The following GOLGA6D variants were observed in gnomAD, a reference collection of about 807,000 sequenced individuals.
The protein encoded by GOLGA6D is golgin subfamily A member 6D.
Under a neutral mutation model 42.1 loss-of-function variants are expected in GOLGA6D, and 9 were observed. The ratio of observed to expected loss-of-function variants is 0.21; its 90% CI spans 0.13 to 0.37. The LOEUF is 0.37. Ranked by LOEUF, GOLGA6D falls within the 10% of genes least tolerant of loss-of-function variation. The pLI is 1.00. For synonymous variants in GOLGA6D, 39 were observed against 167.3 expected (o/e 0.23, Z 5.92); for missense variants, 87 against 420.8 (o/e 0.21, Z 6.94).
Position 75,294,348 on chromosome 15 carries a change from T to A in GOLGA6D, c.1955T>A (p.Val652Asp), listed in dbSNP as rs201430576. The part of the protein sequence containing the change: ...QELGAAGEQD[V>D]FYEVSLDNNV... ...GACCCCCGCCTCCCTCTCTCCGAAGTTTTTTATGAAGTGAGCCTGGACAAC... is the reference window on the plus strand; with the variant it reads ...GACCCCCGCCTCCCTCTCTCCGAAGATTTTTATGAAGTGAGCCTGGACAAC... The change falls in exon 18 of 18, where the codon GTT becomes GAT. Residue 652 changes from valine to aspartate, a missense_variant and splice_region_variant. Val to Asp is a radical substitution (Grantham distance 152). Transcript: ENST00000434739. 13,418 of 1,578,258 alleles carry A rather than the reference T, an allele frequency of 8.5e-3. 1,222 individuals carry two copies. Among genetic ancestry groups the A allele is most frequent in the African/African-American group, 0.081 (4,892 of 60,748 alleles).
At position 75,293,545 on chromosome 15, in the gene GOLGA6D, C is replaced by G. The variant is rs1470835508; in HGVS notation, c.1594-184C>G. On this transcript the variant is annotated intron_variant, in intron 14 of 17. Coordinates refer to ENST00000434739, the MANE Select transcript of GOLGA6D (RefSeq NM_001145224.3). The stretch of plus-strand genomic sequence containing the variant: ...TCTGGTGGCCTTGGCCTGGAAGGAG[C>G]CAGAGGCAGAGGCCCCAGCCCCAGG... 9.9e-3 allele frequency among the ~76,000 whole-genome samples: 1,419 copies of G among 143,312 alleles called. 9 individuals carry two copies. Among genetic ancestry groups the G allele is most frequent in the East Asian group, 0.02 (96 of 4,688 alleles). 94.0% of individuals were successfully genotyped at this position (143,312 alleles called of 152,430 possible). A position where few individuals can be genotyped will look rare whatever the true frequency, so the allele number is the denominator to read the frequency against.
At chr15:75,278,875 G>A (rs1426322385), upstream of GOLGA6D, among the ~76,000 whole-genome samples, 43 of 150,916 alleles carry the variant, frequency 2.8e-4, no homozygotes, top group Admixed American at 5.3e-4. Context: ...CTGATGTGTA[G>A]TAGCACAAAA....
At chr15:75,288,965 G>C (rs1486793190) in intron 7 of GOLGA6D, among the ~76,000 whole-genome samples, 1 of 127,652 alleles carries the variant, frequency 7.8e-6, no homozygotes, top group Non-Finnish European at 1.6e-5. Flanking sequence ...GAATAGGATA[G>C]ACCTGGGTGT....
upstream of GOLGA6D, among the ~76,000 whole-genome samples, chr15:75,278,074 G>T (rs375439722): frequency 2.4e-4 from 28 of 118,534 alleles, no homozygotes; most frequent in Middle Eastern, 3.7e-3. Flanking sequence ...AAGGAAAACT[G>T]CAGCTCACAT....
In GOLGA6D at chr15:75,293,437, G is replaced by A. The variant is rs541691510; in HGVS notation, c.1593+273G>A. Among the ~76,000 whole-genome samples the A allele has an allele frequency of 1.5e-4, 22 of 146,560 alleles. No homozygotes were observed. In the East Asian group the frequency reaches 2.3e-3, roughly 15 times the overall value. On this transcript the variant is annotated intron_variant, in intron 14 of 17. Coordinates refer to ENST00000434739, the MANE Select transcript of GOLGA6D (RefSeq NM_001145224.3). ...CCTTCAAGTGGCATTTTTCAACTCC[G>A]CTGGAGCCAGTTCCCAGGAGGAGCA...
the GOLGA6D span, among the ~76,000 whole-genome samples, chr15:75,277,426 TC>T: frequency 1.4e-5 from 1 of 73,624 alleles, no homozygotes; most frequent in South Asian, 5.1e-4. Flanking sequence ...ATGTTGTACA[TC>T]CAGACAGCAG....
chr15:75,293,030 CTTGTTGGG>C, intron 13 of GOLGA6D, 35 bp from the exon 14 acceptor site: 1 of 1,402,452 alleles, frequency 7.1e-7, no homozygotes, highest in East Asian at 2.5e-5. Context: ...CAGTACCTTC[CTTGTTGGG>C]TTGTCTGAGG....
chr15:75,277,871 G>A (rs1428082072), upstream of GOLGA6D, among the ~76,000 whole-genome samples: 1 of 150,326 alleles, frequency 6.7e-6, no homozygotes, highest in Non-Finnish European at 1.5e-5. Context: ...AAAAGAAAAA[G>A]GTCGAGACAG....
rs751895700 is a variant in GOLGA6D, at chr15:75,294,330, G to A, written c.1955-18G>A. The A allele has an allele frequency of 7.3e-5, 115 of 1,586,006 alleles. 6 individuals carry two copies. The African/African-American group carries it at 1.2e-3, about 16-fold the overall frequency. ...AGGCTCGCACTGTGCTCAGACCCCC[G>A]CCTCCCTCTCTCCGAAGTTTTTTAT... On this transcript the variant is annotated intron_variant, in intron 17 of 17. Coordinates refer to ENST00000434739, the MANE Select transcript of GOLGA6D (RefSeq NM_001145224.3).
Position 75,289,378 on chromosome 15 carries a change from C to G in GOLGA6D, c.565-19C>G. 6.5e-7 allele frequency: 1 copy of G among 1,549,260 alleles called. No individual in the cohort carries two copies. The highest frequency in any genetic ancestry group is 1.1e-5 in the South Asian group (1 of 88,496). ...GCCCGAGCTCCCCAGATCAAAACTT[C>G]TCACTCTTCACCATCCAGTCCTCGA... On this transcript the variant is annotated intron_variant, in intron 7 of 17. Coordinates refer to ENST00000434739, the MANE Select transcript of GOLGA6D (RefSeq NM_001145224.3).
At chr15:75,285,062 C>T (rs2141646101) in intron 2 of GOLGA6D, among the ~76,000 whole-genome samples, 1 of 140,436 alleles carries the variant, frequency 7.1e-6, no homozygotes, top group East Asian at 2.1e-4. Flanking sequence ...ACCCAGGATA[C>T]CCAGGAAATG....
At chr15:75,278,876 T>C (rs1479645750), upstream of GOLGA6D, among the ~76,000 whole-genome samples, 20 of 151,144 alleles carry the variant, frequency 1.3e-4, no homozygotes, top group Non-Finnish European at 2.2e-4. Flanking sequence ...TGATGTGTAG[T>C]AGCACAAAAG....
upstream of GOLGA6D, among the ~76,000 whole-genome samples, chr15:75,278,711 G>C (rs1293664650): frequency 6.6e-6 from 1 of 151,644 alleles, no homozygotes; most frequent in African/African-American, 2.4e-5. Context: ...GTTCAGCTTT[G>C]TCAATGGAGA....
At chr15:75,276,385 T>C in the GOLGA6D span, among the ~76,000 whole-genome samples, 2,357 of 142,272 alleles carry the variant, frequency 0.017, 4 homozygotes, top group African/African-American at 0.038. Flanking sequence ...AGACAGGCCA[T>C]GCTAGCCCCA....
chr15:75,278,665 A>T (rs1353187847), upstream of GOLGA6D, among the ~76,000 whole-genome samples: 3 of 151,752 alleles, frequency 2.0e-5, no homozygotes, highest in South Asian at 4.1e-4. Flanking sequence ...CTCCCTTCCA[A>T]ATCTGCCTAA....
chr15:75,288,366 TG>T lies in GOLGA6D; in HGVS notation c.564+3del. The stretch of plus-strand genomic sequence containing the variant: ...ACACAGCAGCAGGAAGAGGACAGGG[TG>T]AGTCCAACCAGCTGCCCCATCCCCT... On this transcript the variant is annotated splice_donor_region_variant and intron_variant, in intron 7 of 17. Transcript: ENST00000434739. 1 of 1,508,578 alleles carries T rather than the reference TG, an allele frequency of 6.6e-7. No individual in the cohort carries two copies. Among genetic ancestry groups the T allele is most frequent in the Non-Finnish European group, 8.9e-7 (1 of 1,120,518 alleles). 93.4% of individuals were successfully genotyped at this position (1,508,578 alleles called of 1,614,324 possible). A position where few individuals can be genotyped will look rare whatever the true frequency, so the allele number is the denominator to read the frequency against.
At position 75,294,529 on chromosome 15, in the gene GOLGA6D, C is replaced by T. The variant is rs557260093; in HGVS notation, c.*54C>T. 6.4e-5 allele frequency: 93 copies of T among 1,450,788 alleles called. 1 individual carries two copies. The highest frequency in any genetic ancestry group is 8.1e-5 in the Non-Finnish European group (87 of 1,078,392). The allele number at this position is 1,450,788 out of a possible 1,614,324, so 89.9% of individuals were successfully genotyped here. On this transcript the variant is annotated 3_prime_UTR_variant, in exon 18 of 18. Coordinates refer to ENST00000434739, the MANE Select transcript of GOLGA6D (RefSeq NM_001145224.3). The stretch of plus-strand genomic sequence containing the variant: ...GCGTGCCATTCTTCTACCAGGCAGC[C>T]GAGAACAGGGAGATAAACATCATCA...
chr15:75,294,366 T>C lies in GOLGA6D; in HGVS notation c.1973T>C (p.Leu658Pro), dbSNP rs746005312. The C allele has an allele frequency of 5.0e-6, 8 of 1,597,318 alleles. No individual in the cohort carries two copies. In the East Asian group the frequency reaches 1.3e-4, roughly 27 times the overall value. The change falls in exon 18 of 18, where the codon CTG (leucine) becomes CCG (proline). Residue 658 changes from leucine (L) to proline (P), a missense_variant. Physicochemically the swap from Leu to Pro is moderately conservative, Grantham distance 98 (BLOSUM62 -3). Transcript: ENST00000434739. ...GEQDVFYEVSLDNNVEPAPGV... is the reference protein window; with the variant it reads ...GEQDVFYEVSPDNNVEPAPGV... ...TCCGAAGTTTTTTATGAAGTGAGCC[T>C]GGACAACAACGTGGAGCCTGCACCA...
chr15:75,276,347 G>T, the GOLGA6D span, among the ~76,000 whole-genome samples: 2,065 of 146,820 alleles, frequency 0.014, 2 homozygotes, highest in Admixed American at 0.058. Context: ...CTGTCCTCAT[G>T]TGGTGCAGGT....
Sources: allele counts gnomAD v4.1 joint callset (sites outside exome capture counted in the v4.1 genomes callset), GRCh38; gene constraint gnomAD v4.1.1; transcripts MANE v1.5; gene names NCBI Gene and HGNC (gene_info 2026-07-23, HGNC 2026-07-21).